SRL: variants seen among roughly 807,000 people sequenced by gnomAD.
SRL encodes the protein sarcalumenin.
A neutral mutation model predicts 39.5 loss-of-function variants in SRL; 23 were observed. The observed-to-expected ratio is 0.58, with a 90% CI of 0.42 to 0.82. The LOEUF (loss-of-function observed/expected upper bound fraction) is 0.82. Ranked by LOEUF, SRL falls within the 40% of genes least tolerant of loss-of-function variation. SRL has a pLI of 0.00. For synonymous variants in SRL, 272 were observed against 237.4 expected, an observed-to-expected ratio of 1.15 and a Z score of -1.34; for missense variants, 592 against 607.8, an observed-to-expected ratio of 0.97 and a Z score of 0.27.
chr16:4,236,855 G>A (rs1352113874), intron 1 of SRL, among the ~76,000 whole-genome samples: 1 of 151,992 alleles, frequency 6.6e-6, no homozygotes, highest in Non-Finnish European at 1.5e-5. Flanking sequence ...CTATTAGTCA[G>A]GCTGGTCTCG....
At chr16:4,195,964 C>A (rs1033346534) in intron 4 of SRL, among the ~76,000 whole-genome samples, 178 bp from the exon 5 acceptor site, 1 of 151,836 alleles carries the variant, frequency 6.6e-6, no homozygotes. Context: ...TAAAATTTAC[C>A]TTTTTTTTCT....
intron 1 of SRL, among the ~76,000 whole-genome samples, chr16:4,241,109 G>C (rs1481253725): frequency 6.6e-6 from 1 of 152,134 alleles, no homozygotes; most frequent in Admixed American, 6.5e-5. Context: ...TAGGCTCAGA[G>C]CCCAGCTTGG....
rs747108901 is a variant in SRL at position 4,195,610 on chromosome 16, T to A, written c.553A>T (p.Arg185Trp). 7.4e-6 allele frequency: 12 copies of A among 1,614,190 alleles called. No homozygotes were observed. The highest frequency in any genetic ancestry group is 1.0e-5 in the Non-Finnish European group (12 of 1,180,046). The change falls in exon 5 of 6, where the codon AGG (arginine) becomes TGG (tryptophan). Residue 185 changes from arginine (R) to tryptophan (W), a missense_variant. Arg to Trp is a moderately radical substitution (Grantham distance 101, BLOSUM62 -3). Coordinates refer to ENST00000399609, the MANE Select transcript of SRL (RefSeq NM_001098814.2). ...GIEVPHKLLE[R>W]VTFVDTPGII... ...CCTGGTGTATCCACAAAAGTGACCCTCTCCAGAAGTTTGTGGGGAACCTCA... is the reference window on the plus strand; with the variant it reads ...CCTGGTGTATCCACAAAAGTGACCCACTCCAGAAGTTTGTGGGGAACCTCA...
intron 5 of SRL, among the ~76,000 whole-genome samples, chr16:4,193,400 G>T (rs182803783): frequency 6.6e-6 from 1 of 152,326 alleles, no homozygotes. Flanking sequence ...TCAAAATGGA[G>T]ATTGTCCTAT....
Position 4,191,279 on chromosome 16 carries a change from C to G in SRL, c.*874G>C, listed in dbSNP as rs541912039. On this transcript the variant is annotated 3_prime_UTR_variant, in exon 6 of 6. Transcript: ENST00000399609. ...GAGTGTCCTAAACCACTGCCCCACCCCTTGAGGAAACCAGGAGCAAGTCCG... is the reference window on the plus strand; with the variant it reads ...GAGTGTCCTAAACCACTGCCCCACCGCTTGAGGAAACCAGGAGCAAGTCCG... The G allele has an allele frequency of 4.6e-5, 7 of 152,448 alleles. No individual in the cohort carries two copies. Among genetic ancestry groups the G allele is most frequent in the African/African-American group, 1.7e-4 (7 of 41,566 alleles). The allele number at this position is 152,448 out of a possible 1,614,324, so 9.4% of individuals were successfully genotyped here. A position where few individuals can be genotyped will look rare whatever the true frequency, so the allele number is the denominator to read the frequency against.
intron 1 of SRL, among the ~76,000 whole-genome samples, chr16:4,208,425 T>G (rs1170341989): frequency 6.6e-6 from 1 of 151,972 alleles, no homozygotes; most frequent in Non-Finnish European, 1.5e-5. Context: ...CCTTCAAGCT[T>G]CCGGGCTTGG....
chr16:4,222,628 G>A (rs2052542977), intron 1 of SRL, among the ~76,000 whole-genome samples: 1 of 137,972 alleles, frequency 7.2e-6, no homozygotes, highest in African/African-American at 3.1e-5. Context: ...GCTGCTAGAG[G>A]CTGGTGCCTG....
At chr16:4,194,861 G>A (rs2052114674) in intron 5 of SRL, among the ~76,000 whole-genome samples, 1 of 151,964 alleles carries the variant, frequency 6.6e-6, no homozygotes, top group African/African-American at 2.4e-5. Context: ...CTCCCTGCCT[G>A]CCTACCACCC....
chr16:4,234,297 T>A (rs1366205875), intron 1 of SRL, among the ~76,000 whole-genome samples: 2 of 152,354 alleles, frequency 1.3e-5, no homozygotes, highest in East Asian at 1.9e-4. Flanking sequence ...CCTAGCCTAT[T>A]AATTAAATTT....
At chr16:4,212,492 T>C (rs1263899563) in intron 1 of SRL, among the ~76,000 whole-genome samples, 1 of 152,194 alleles carries the variant, frequency 6.6e-6, no homozygotes, top group African/African-American at 2.4e-5. Context: ...CCCTTGCTTC[T>C]TGCCGAAGCA....
intron 1 of SRL, chr16:4,206,752 C>G (rs2052323795): frequency 2.5e-6 from 1 of 407,510 alleles, no homozygotes; most frequent in Admixed American, 2.5e-5. Context: ...TGGGACTCTC[C>G]CTCCCCCTGA....
intron 1 of SRL, among the ~76,000 whole-genome samples, chr16:4,232,298 C>T (rs925673050): frequency 6.6e-6 from 1 of 152,182 alleles, no homozygotes; most frequent in African/African-American, 2.4e-5. Context: ...AGAGCACTCC[C>T]GGTCTCTTGA....
intron 1 of SRL, among the ~76,000 whole-genome samples, chr16:4,231,664 C>G (rs562133239): frequency 1.3e-5 from 2 of 152,202 alleles, no homozygotes; most frequent in South Asian, 4.1e-4. Context: ...TGTCTCCCCT[C>G]CTAGTCTGTA....
At chr16:4,220,382 A>T (rs906237843) in intron 1 of SRL, among the ~76,000 whole-genome samples, 1 of 151,286 alleles carries the variant, frequency 6.6e-6, no homozygotes, top group African/African-American at 2.4e-5. Context: ...CGGGAGGTGG[A>T]GGCTGCAGTG....
chr16:4,192,402 G>A lies in SRL; in HGVS notation c.1173C>T (p.Ser391=), dbSNP rs1174107287. The change falls in exon 6 of 6, where the codon AGC becomes AGT. Residue 391 remains serine, a synonymous_variant. Coordinates refer to ENST00000399609, the MANE Select transcript of SRL (RefSeq NM_001098814.2). This position sits in a 1 kb window ranked among gnomAD's most constrained non-coding sequence, Gnocchi z 4.0. ...CCTCGCGGTTGGGAAGGTCAAATTT[G>A]CTGACATTGGTCTTTGCCAGGATGG... ...FKTILAKTNV[S]KFDLPNREAY... 3 of 1,614,196 alleles carry A rather than the reference G, an allele frequency of 1.9e-6. No individual in the cohort carries two copies. Among genetic ancestry groups the A allele is most frequent in the Non-Finnish European group, 2.5e-6 (3 of 1,180,036 alleles).
intron 1 of SRL, chr16:4,207,509 G>T (rs570358889): frequency 4.4e-6 from 2 of 456,666 alleles, no homozygotes; most frequent in Non-Finnish European, 4.4e-6. Context: ...TCAGTGGGCC[G>T]ACCCCATCAC....
In SRL at chr16:4,195,804, G is replaced by A. The variant is rs773052702; in HGVS notation, c.377-18C>T. ...TTCAGCGCCTGGGCACACGGGGTGA[G>A]AGGTGAAGGAATACATGATCTCTGT... On this transcript the variant is annotated intron_variant, in intron 4 of 5. Coordinates refer to ENST00000399609, the MANE Select transcript of SRL (RefSeq NM_001098814.2). 11 of 1,596,884 alleles carry A rather than the reference G, an allele frequency of 6.9e-6. No homozygotes were observed. Among genetic ancestry groups the A allele is most frequent in the African/African-American group, 4.0e-5 (3 of 74,712 alleles).
intron 1 of SRL, among the ~76,000 whole-genome samples, chr16:4,206,379 G>T (rs2052318643): frequency 6.6e-6 from 1 of 152,128 alleles, no homozygotes; most frequent in South Asian, 2.1e-4. Flanking sequence ...TCCATTCCCT[G>T]CACGTCCCTC....
intron 4 of SRL, among the ~76,000 whole-genome samples, 195 bp from the exon 5 acceptor site, chr16:4,195,981 G>C (rs2052135217): frequency 6.6e-6 from 1 of 151,730 alleles, no homozygotes; most frequent in Non-Finnish European, 1.5e-5. Context: ...TTCTTTTTGA[G>C]ATGGAGTCTT....
Sources: gnomAD v4.1 joint callset for allele counts (sites outside exome capture counted in the v4.1 genomes callset) on GRCh38, gnomAD v4.1.1 for gene constraint, Gnocchi (gnomAD v3.1) non-coding constraint, MANE v1.5 for transcripts, NCBI Gene and HGNC (gene_info 2026-07-23, HGNC 2026-07-21) for gene names.